The following SPATA7 variants were observed in gnomAD, a reference collection of about 807,000 sequenced individuals.
SPATA7 encodes the protein spermatogenesis-associated protein 7.
A neutral mutation model predicts 51.8 loss-of-function variants in SPATA7; 43 were observed. The observed-to-expected ratio is 0.83, with a 90% CI of 0.65 to 1.07. The LOEUF (loss-of-function observed/expected upper bound fraction) is 1.07, where lower values mean the gene tolerates loss of function less well. SPATA7 is among the 50% of genes least tolerant of loss of function. The pLI is 0.00. For synonymous variants in SPATA7, 230 were observed against 252.8 expected, an observed-to-expected ratio of 0.91 and a Z score of 0.86; for missense variants, 683 against 701.3, an observed-to-expected ratio of 0.97 and a Z score of 0.30.
chr14:88,431,810 AG>A (rs2076948426), intron 9 of SPATA7, among the ~76,000 whole-genome samples: 1 of 152,182 alleles, frequency 6.6e-6, no homozygotes, highest in Admixed American at 6.6e-5. Context: ...ATGGCTGAAT[AG>A]TATTTCATGG....
chr14:88,431,971 T>G (rs1052151815), intron 9 of SPATA7, among the ~76,000 whole-genome samples: 1 of 152,206 alleles, frequency 6.6e-6, no homozygotes, highest in Non-Finnish European at 1.5e-5. Context: ...ATAACAACTT[T>G]CTGGAATAAT....
intron 4 of SPATA7, among the ~76,000 whole-genome samples, chr14:88,405,924 T>A (rs1287268964): frequency 6.6e-6 from 1 of 152,234 alleles, no homozygotes; most frequent in Non-Finnish European, 1.5e-5. Flanking sequence ...TATTTATCCA[T>A]GGTATTTTCT....
At chr14:88,462,149 G>A (rs1346355243) in intron 4 of SPATA7, among the ~76,000 whole-genome samples, 1 of 152,042 alleles carries the variant, frequency 6.6e-6, no homozygotes, top group Non-Finnish European at 1.5e-5. Flanking sequence ...CTCATTCAAT[G>A]GTCCATTAAT....
intron 1 of SPATA7, among the ~76,000 whole-genome samples, 168 bp from the exon 2 acceptor site, chr14:88,391,213 G>A (rs1350887993): frequency 1.3e-5 from 2 of 152,122 alleles, no homozygotes; most frequent in African/African-American, 4.8e-5. Context: ...ATTTAATGCT[G>A]TAACTCAGAC....
At position 88,469,114 on chromosome 14, in the gene SPATA7, T is replaced by C; in HGVS notation, c.255-733T>C. 6.4e-7 allele frequency: 1 copy of C among 1,572,610 alleles called. No individual in the cohort carries two copies. The highest frequency in any genetic ancestry group is 8.7e-7 in the Non-Finnish European group (1 of 1,151,710). On this transcript the variant is annotated intron_variant, in intron 4 of 4. Coordinates refer to the SPATA7 transcript ENST00000556406. The surrounding 1 kb of genome is among the most constrained non-coding windows in gnomAD (Gnocchi z 4.3). The stretch of plus-strand genomic sequence containing the variant: ...AATGAAATAGAAAAGTACTCAAGGA[T>C]CAAGGCGTATCACATTGTTGACTCA...
rs1194042213 is a variant in SPATA7 at position 88,429,407 on chromosome 14, G to T, written c.972G>T (p.Gly324=). The T allele has an allele frequency of 2.5e-6, 4 of 1,612,838 alleles. No homozygotes were observed. In the East Asian group the frequency reaches 8.9e-5, roughly 36 times the overall value. ...AAATAGCTCCTTTACCTTTAGAAGG[G>T]CATGACTCAACATGGGATGAGATTA... is the stretch of plus-strand genomic sequence containing the variant. The part of the protein sequence containing the change: ...KEKIAPLPLE[G]HDSTWDEIKD... Residue 324 remains glycine, a synonymous_variant, in exon 8 of 12, where the codon GGG becomes GGT. Transcript: ENST00000393545.
chr14:88,422,186 T>A (rs1020820978), intron 5 of SPATA7, among the ~76,000 whole-genome samples: 24 of 152,232 alleles, frequency 1.6e-4, no homozygotes, highest in African/African-American at 5.1e-4. Flanking sequence ...GAACATCTAG[T>A]ATATTTAGTA....
intron 3 of SPATA7, 70 bp downstream of exon 3, chr14:88,393,558 A>T: frequency 8.9e-7 from 1 of 1,123,254 alleles, no homozygotes; most frequent in Admixed American, 2.0e-5. Context: ...ATTAAAATAT[A>T]TCTATAGCAA....
In SPATA7 at chr14:88,469,935, A is replaced by T; in HGVS notation, c.*68A>T. 6.2e-7 allele frequency: 1 copy of T among 1,614,022 alleles called. No individual in the cohort carries two copies. Among genetic ancestry groups the T allele is most frequent in the East Asian group, 2.2e-5 (1 of 44,876 alleles). On this transcript the variant is annotated 3_prime_UTR_variant, in exon 5 of 5. Transcript: ENST00000556406. The surrounding 1 kb of genome is among the most constrained non-coding windows in gnomAD (Gnocchi z 4.3). ...ATAAGTACCTACCTCTTCTGCTGTCACCATTGCTATAATTGCAATTCCCTG... is the reference window on the plus strand; with the variant it reads ...ATAAGTACCTACCTCTTCTGCTGTCTCCATTGCTATAATTGCAATTCCCTG...
chr14:88,445,970 G>A (rs1195991303), intron 3 of SPATA7, among the ~76,000 whole-genome samples: 12 of 152,122 alleles, frequency 7.9e-5, no homozygotes, highest in Admixed American at 1.3e-4. Flanking sequence ...ATCTCTGTCC[G>A]GCTTTGGTAT....
chr14:88,453,947 G>GT (rs1364307528), intron 3 of SPATA7, among the ~76,000 whole-genome samples: 1 of 152,152 alleles, frequency 6.6e-6, no homozygotes, highest in Non-Finnish European at 1.5e-5. Context: ...ATTCTGCTTT[G>GT]TGCTCATATT....
chr14:88,435,682 T>G (rs2077066558), intron 10 of SPATA7, among the ~76,000 whole-genome samples: 1 of 152,150 alleles, frequency 6.6e-6, no homozygotes. Flanking sequence ...GAATGCAATG[T>G]TTGTCTTTCT....
At chr14:88,445,470 C>T (rs148202565) in intron 3 of SPATA7, among the ~76,000 whole-genome samples, 4 of 152,058 alleles carry the variant, frequency 2.6e-5, no homozygotes, top group Non-Finnish European at 5.9e-5. Flanking sequence ...AACTGAATAC[C>T]CTTTATTTCC....
chr14:88,431,053 T>A, intron 8 of SPATA7, 119 bp from the exon 9 acceptor site: 2 of 953,532 alleles, frequency 2.1e-6, no homozygotes, highest in Middle Eastern at 4.2e-4. Context: ...TCTGAAACAC[T>A]TCTGGTTCCA....
intron 4 of SPATA7, among the ~76,000 whole-genome samples, chr14:88,400,304 A>G (rs1017070589): frequency 1.1e-4 from 16 of 152,206 alleles, no homozygotes; most frequent in Non-Finnish European, 7.3e-5. Context: ...ATATACCAAA[A>G]CTTACAGAAT....
chr14:88,468,791 G>T, intron 4 of SPATA7: 1 of 1,187,446 alleles, frequency 8.4e-7, no homozygotes, highest in Non-Finnish European at 1.2e-6. Flanking sequence ...GGGAACATTA[G>T]TAACATCTTG....
In SPATA7 at chr14:88,443,626, TCCCCCGAC is replaced by T. The variant is rs1034242188; in HGVS notation, c.177+5727_177+5734del. Among the ~76,000 whole-genome samples the T allele has an allele frequency of 3.2e-3, 469 of 144,684 alleles. 2 individuals are homozygous for T. Among genetic ancestry groups the T allele is most frequent in the African/African-American group, 0.011 (436 of 38,516 alleles). The allele number at this position is 144,684 out of a possible 152,430, so 94.9% of individuals were successfully genotyped here. ...TAGGTATATCTCCCAATGCCATCCC[TCCCCCGAC>T]CCCACGACCCCACAACAGTTCCCAG... On this transcript the variant is annotated intron_variant, in intron 3 of 3. Coordinates refer to the SPATA7 transcript ENST00000554802.
intron 5 of SPATA7, among the ~76,000 whole-genome samples, chr14:88,419,531 C>CT (rs561604199): frequency 0.058 from 7,629 of 130,924 alleles, 242 homozygotes; most frequent in African/African-American, 0.091. Flanking sequence ...TAATCATTGT[C>CT]TTTTTTTTTT....
intron 4 of SPATA7, among the ~76,000 whole-genome samples, chr14:88,408,307 C>A (rs890968510): frequency 2.6e-5 from 4 of 152,104 alleles, no homozygotes; most frequent in Non-Finnish European, 5.9e-5. Flanking sequence ...TTGTAGTTCT[C>A]TTTGAAGAGG....
Sources: gnomAD v4.1 joint callset for allele counts (sites outside exome capture counted in the v4.1 genomes callset) on GRCh38, gnomAD v4.1.1 for gene constraint, Gnocchi (gnomAD v3.1) non-coding constraint, MANE v1.5 for transcripts, NCBI Gene and HGNC (gene_info 2026-07-23, HGNC 2026-07-21) for gene names.